Variants in RNLS observed in about 807,000 individuals in gnomAD.
RNLS encodes the protein renalase, FAD dependent amine oxidase.
A neutral mutation model predicts 39.8 loss-of-function variants in RNLS; 39 were observed. The ratio of observed to expected loss-of-function variants is 0.98; its 90% CI spans 0.76 to 1.28. The LOEUF is 1.28. Among genes scored for constraint, RNLS ranks in the 50% most tolerant of loss-of-function variants. The pLI is 0.00. For missense variants in RNLS, 410 were observed against 413.3 expected (o/e 0.99, Z 0.07); for synonymous variants, 147 against 150.7 (o/e 0.98, Z 0.18).
chr10:88,382,442 T>C (rs980666840), intron 4 of RNLS, among the ~76,000 whole-genome samples: 1 of 152,106 alleles, frequency 6.6e-6, no homozygotes. Flanking sequence ...ATCATCACAG[T>C]AGAATTTTTT....
chr10:88,375,952 A>G (rs995051000), intron 4 of RNLS, among the ~76,000 whole-genome samples: 2 of 152,168 alleles, frequency 1.3e-5, no homozygotes, highest in Admixed American at 6.6e-5. Flanking sequence ...CAATGGGAGG[A>G]TAAGGGGAGA....
chr10:88,529,834 G>C (rs1847313231), intron 4 of RNLS, among the ~76,000 whole-genome samples: 3 of 152,090 alleles, frequency 2.0e-5, no homozygotes, highest in Admixed American at 2.0e-4. Flanking sequence ...TGAGAAACCA[G>C]CACAAAATAG....
intron 4 of RNLS, among the ~76,000 whole-genome samples, chr10:88,365,570 G>C (rs2133388398): frequency 6.8e-6 from 1 of 147,580 alleles, no homozygotes; most frequent in South Asian, 2.2e-4. Context: ...CGTATATGTA[G>C]GATATGTTAT....
At chr10:88,193,332 C>G in the RNLS span, among the ~76,000 whole-genome samples, 1 of 152,120 alleles carries the variant, frequency 6.6e-6, no homozygotes, top group African/African-American at 2.4e-5. Context: ...CTCCCAGGAT[C>G]AAGGACCTGG....
intron 3 of RNLS, among the ~76,000 whole-genome samples, chr10:88,581,264 A>G (rs1850519429): frequency 6.9e-6 from 1 of 145,934 alleles, no homozygotes; most frequent in Non-Finnish European, 1.5e-5. Context: ...GAATAAATAT[A>G]AAGAAATATA....
intron 4 of RNLS, among the ~76,000 whole-genome samples, chr10:88,396,476 T>C (rs1439592107): frequency 1.3e-5 from 2 of 151,324 alleles, no homozygotes; most frequent in East Asian, 3.9e-4. Context: ...TTAAAAAATA[T>C]ATTAGTATTA....
the RNLS span, among the ~76,000 whole-genome samples, chr10:88,258,933 G>C: frequency 6.6e-6 from 1 of 152,204 alleles, no homozygotes; most frequent in Non-Finnish European, 1.5e-5. Flanking sequence ...TTAATGCTCT[G>C]TTACTGGCGA....
At chr10:88,277,679 T>C (rs1250585722) in intron 6 of RNLS, among the ~76,000 whole-genome samples, 1 of 152,184 alleles carries the variant, frequency 6.6e-6, no homozygotes, top group Non-Finnish European at 1.5e-5. Context: ...TTAACACAAT[T>C]TGTAACCACT....
At chr10:88,211,202 G>A in the RNLS span, among the ~76,000 whole-genome samples, 7 of 152,112 alleles carry the variant, frequency 4.6e-5, no homozygotes, top group African/African-American at 1.7e-4. Flanking sequence ...ATAATGAGAT[G>A]CTTTCAAGGA....
At chr10:88,566,145 T>C (rs891907359) in intron 4 of RNLS, among the ~76,000 whole-genome samples, 3 of 152,070 alleles carry the variant, frequency 2.0e-5, no homozygotes, top group Non-Finnish European at 2.9e-5. Flanking sequence ...ATCTGAGCAA[T>C]AGCCAATGTT....
chr10:88,235,146 T>C, the RNLS span, among the ~76,000 whole-genome samples: 2 of 151,360 alleles, frequency 1.3e-5, no homozygotes, highest in African/African-American at 2.4e-5. Flanking sequence ...CGGGTGCCTG[T>C]AGTCCCAGCT....
chr10:88,372,297 T>C (rs1850626889), intron 4 of RNLS, among the ~76,000 whole-genome samples: 1 of 152,148 alleles, frequency 6.6e-6, no homozygotes, highest in South Asian at 2.1e-4. Flanking sequence ...TTCCCTATCT[T>C]TTTAATCATA....
At chr10:88,367,368 T>G (rs1850204683) in intron 4 of RNLS, among the ~76,000 whole-genome samples, 1 of 152,170 alleles carries the variant, frequency 6.6e-6, no homozygotes, top group Non-Finnish European at 1.5e-5. Flanking sequence ...AATATTATGT[T>G]TGTTATATAA....
the RNLS span, among the ~76,000 whole-genome samples, chr10:88,177,846 C>G: frequency 1.3e-5 from 2 of 152,124 alleles, no homozygotes; most frequent in African/African-American, 4.8e-5. Context: ...ACTGCAACTG[C>G]CTCAGTGGCC....
At chr10:88,390,412 A>T (rs371896188) in intron 4 of RNLS, among the ~76,000 whole-genome samples, 1 of 152,196 alleles carries the variant, frequency 6.6e-6, no homozygotes, top group East Asian at 1.9e-4. Context: ...ATAAGATAAA[A>T]GAGGGGAAAA....
chr10:88,320,955 T>A (rs901337747), intron 5 of RNLS, among the ~76,000 whole-genome samples: 1 of 150,208 alleles, frequency 6.7e-6, no homozygotes, highest in Non-Finnish European at 1.5e-5. Flanking sequence ...ATGGACCCAG[T>A]AAACACCACA....
chr10:88,264,335 C>T, the RNLS span, among the ~76,000 whole-genome samples: 1 of 152,066 alleles, frequency 6.6e-6, no homozygotes, highest in Non-Finnish European at 1.5e-5. Context: ...TGGGTAGATA[C>T]CAGTAGTGGT....
At chr10:88,455,145 G>A (rs1461292656) in intron 4 of RNLS, among the ~76,000 whole-genome samples, 1 of 152,122 alleles carries the variant, frequency 6.6e-6, no homozygotes, top group Non-Finnish European at 1.5e-5. Flanking sequence ...TAAGTACTAT[G>A]GAGCCACAGA....
At chr10:88,545,457 G>A (rs769268968) in intron 4 of RNLS, 8 of 456,202 alleles carry the variant, frequency 1.8e-5, no homozygotes, top group East Asian at 6.9e-5. Flanking sequence ...CATGACTTAC[G>A]TGGTGGCAGG....
Sources: gnomAD v4.1 joint callset for allele counts (sites outside exome capture counted in the v4.1 genomes callset) on GRCh38, gnomAD v4.1.1 for gene constraint, MANE v1.5 for transcripts, NCBI Gene and HGNC (gene_info 2026-07-23, HGNC 2026-07-21) for gene names.